PTPRM: variants seen among roughly 807,000 people sequenced by gnomAD.
The protein encoded by PTPRM is protein tyrosine phosphatase receptor type M.
In PTPRM, 47 loss-of-function variants were observed where a neutral mutation model predicts 186.7. That is an observed-to-expected ratio of 0.25 (90% CI 0.20 to 0.32). The LOEUF (loss-of-function observed/expected upper bound fraction) is 0.32. Ranked by LOEUF, PTPRM falls within the 10% of genes least tolerant of loss-of-function variation. PTPRM has a pLI of 1.00. For missense variants in PTPRM, 1,494 were observed against 1,865.0 expected (o/e 0.80, Z 3.66); for synonymous variants, 668 against 674.9 (o/e 0.99, Z 0.16).
chr18:8,229,140 A>G (rs189260381), intron 14 of PTPRM, among the ~76,000 whole-genome samples: 9 of 152,202 alleles, frequency 5.9e-5, no homozygotes, highest in African/African-American at 1.7e-4. Context: ...AGGTATTAAG[A>G]TTAATCAGAC....
rs530666072 is a variant in PTPRM at position 8,017,486 on chromosome 18, G to A, written c.1133-52200G>A. On this transcript the variant is annotated intron_variant, in intron 7 of 32. Transcript: ENST00000580170. ...TAATCCCACCTACTCAGGAGGCTGAGGCAAGAGAATTGCTTGGACCCGGGA... is the reference window on the plus strand; with the variant it reads ...TAATCCCACCTACTCAGGAGGCTGAAGCAAGAGAATTGCTTGGACCCGGGA... 2.0e-5 allele frequency among the ~76,000 whole-genome samples: 3 copies of A among 148,728 alleles called. No individual in the cohort carries two copies. In the East Asian group the frequency reaches 5.9e-4, roughly 29 times the overall value.
At chr18:8,194,104 C>A (rs2093743786) in intron 14 of PTPRM, among the ~76,000 whole-genome samples, 1 of 152,206 alleles carries the variant, frequency 6.6e-6, no homozygotes. Context: ...GACATCTGTC[C>A]TTTAATCTTT....
intron 23 of PTPRM, among the ~76,000 whole-genome samples, chr18:8,357,275 T>C (rs2095568224): frequency 6.6e-6 from 1 of 152,246 alleles, no homozygotes; most frequent in Non-Finnish European, 1.5e-5. Context: ...GATCCTTCTG[T>C]ATTTTAATTT....
chr18:7,861,525 G>A (rs2047379633), intron 2 of PTPRM, among the ~76,000 whole-genome samples: 1 of 152,028 alleles, frequency 6.6e-6, no homozygotes, highest in Non-Finnish European at 1.5e-5. Context: ...CTTATTTTGG[G>A]TAAATTGAAA....
At chr18:8,212,799 T>C (rs2094025294) in intron 14 of PTPRM, among the ~76,000 whole-genome samples, 1 of 152,194 alleles carries the variant, frequency 6.6e-6, no homozygotes, top group Non-Finnish European at 1.5e-5. Flanking sequence ...GAGTGAGACC[T>C]GGTTTCTAAA....
intron 9 of PTPRM, among the ~76,000 whole-genome samples, chr18:8,083,685 C>T (rs994953813): frequency 9.2e-5 from 14 of 152,110 alleles, no homozygotes; most frequent in African/African-American, 3.1e-4. Context: ...ACCTGCTGGC[C>T]ATGGTGCTTG....
chr18:8,078,363 G>T (rs1277901836), intron 9 of PTPRM, among the ~76,000 whole-genome samples: 1 of 152,150 alleles, frequency 6.6e-6, no homozygotes, highest in African/African-American at 2.4e-5. Flanking sequence ...TACCTCTCTG[G>T]AGAATCACAG....
intron 7 of PTPRM, among the ~76,000 whole-genome samples, chr18:8,030,058 C>G (rs1312857764): frequency 6.6e-6 from 1 of 152,186 alleles, no homozygotes; most frequent in Admixed American, 6.5e-5. Context: ...ACAGGTGCCA[C>G]CATCTTTAAA....
rs180904657 is a variant in PTPRM at position 7,881,440 on chromosome 18, T to C, written c.197-6666T>C. 1.1e-3 allele frequency among the ~76,000 whole-genome samples: 172 copies of C among 152,210 alleles called. 1 individual carries two copies. Among genetic ancestry groups the C allele is most frequent in the African/African-American group, 3.8e-3 (156 of 41,522 alleles). ...ACAAGAGCAAAACTCCGTCTTGGAG[T>C]AGGGCAGCGGGGGAAGTACAACCTA... On this transcript the variant is annotated intron_variant, in intron 2 of 32. Coordinates refer to ENST00000580170, the MANE Select transcript of PTPRM (RefSeq NM_001105244.2).
intron 11 of PTPRM, among the ~76,000 whole-genome samples, chr18:8,099,243 C>G (rs1347302436): frequency 6.6e-6 from 1 of 151,948 alleles, no homozygotes; most frequent in African/African-American, 2.4e-5. Context: ...CACCCTGGCC[C>G]CCTGCCCATC....
intron 7 of PTPRM, among the ~76,000 whole-genome samples, chr18:7,972,478 T>TG (rs1491072208): frequency 1.2e-4 from 1 of 8,132 alleles, no homozygotes; most frequent in Non-Finnish European, 2.9e-4. Flanking sequence ...AAAAAAAACA[T>TG]TAAAAAAAAA....
chr18:7,603,738 C>G, intron 1 of PTPRM, among the ~76,000 whole-genome samples: 1 of 152,294 alleles, frequency 6.6e-6, no homozygotes, highest in African/African-American at 2.4e-5. Context: ...GATTTTTATC[C>G]TTTCAGGGAT....
At chr18:7,583,891 T>TG (rs757016753) in intron 1 of PTPRM, among the ~76,000 whole-genome samples, 4 of 152,148 alleles carry the variant, frequency 2.6e-5, no homozygotes, top group Admixed American at 2.0e-4. Context: ...ACCTTTGACT[T>TG]CAAGTGGAGG....
At chr18:7,656,785 G>T (rs2144338037) in intron 1 of PTPRM, among the ~76,000 whole-genome samples, 1 of 152,186 alleles carries the variant, frequency 6.6e-6, no homozygotes, top group South Asian at 2.1e-4. Flanking sequence ...TCATGGTGGG[G>T]ATTCATTTAT....
intron 1 of PTPRM, among the ~76,000 whole-genome samples, chr18:7,725,240 T>C (rs962712447): frequency 1.3e-5 from 2 of 152,212 alleles, no homozygotes; most frequent in Non-Finnish European, 2.9e-5. Context: ...GGTCCTTTTG[T>C]AAGGCAACTT....
chr18:8,210,962 A>G (rs1266103591), intron 14 of PTPRM, among the ~76,000 whole-genome samples: 1 of 152,234 alleles, frequency 6.6e-6, no homozygotes, highest in Non-Finnish European at 1.5e-5. Context: ...CATCTTGACT[A>G]AATGCTACTG....
In PTPRM at chr18:8,112,961, T is replaced by C. The variant is rs1600641288; in HGVS notation, c.1857-525T>C. On this transcript the variant is annotated intron_variant, in intron 11 of 32. Coordinates refer to ENST00000580170, the MANE Select transcript of PTPRM (RefSeq NM_001105244.2). ...CTTTCCACTGACTGAATACGGTGAG[T>C]GCAAAGGAACATAAGAAAACATAGG... 2.0e-5 allele frequency among the ~76,000 whole-genome samples: 3 copies of C among 152,236 alleles called. No individual in the cohort carries two copies. In the East Asian group the frequency reaches 5.8e-4, roughly 29 times the overall value.
At chr18:8,214,158 G>C (rs180862767) in intron 14 of PTPRM, among the ~76,000 whole-genome samples, 1 of 152,208 alleles carries the variant, frequency 6.6e-6, no homozygotes, top group Non-Finnish European at 1.5e-5. Context: ...TTGGGGTACA[G>C]TGTACACTGT....
At chr18:8,085,232 A>G (rs1423965712) in intron 9 of PTPRM, among the ~76,000 whole-genome samples, 2 of 152,052 alleles carry the variant, frequency 1.3e-5, no homozygotes, top group African/African-American at 4.8e-5. Flanking sequence ...TGATGAAAAC[A>G]CTTCAGTGCC....
Sources: allele counts gnomAD v4.1 joint callset (sites outside exome capture counted in the v4.1 genomes callset), GRCh38; gene constraint gnomAD v4.1.1; transcripts MANE v1.5; gene names NCBI Gene and HGNC (gene_info 2026-07-23, HGNC 2026-07-21).